The following CBR4 variants were observed in gnomAD, a reference collection of about 807,000 sequenced individuals.
CBR4 encodes the protein 3-oxoacyl-[acyl-carrier-protein] reductase.
In CBR4, 22 loss-of-function variants were observed where a neutral mutation model predicts 21.0. The observed-to-expected ratio is 1.05, with a 90% CI of 0.75 to 1.50. CBR4 has a LOEUF of 1.50. CBR4 is among the 40% of genes most tolerant of loss of function. The pLI is 0.00. For synonymous variants in CBR4, 100 were observed against 104.4 expected (o/e 0.96, Z 0.26); for missense variants, 302 against 286.3 (o/e 1.05, Z -0.40).
intron 2 of CBR4, among the ~76,000 whole-genome samples, chr4:168,959,874 T>TG (rs1553990350): frequency 3.5e-5 from 5 of 143,686 alleles, no homozygotes; most frequent in Non-Finnish European, 7.6e-5. Flanking sequence ...CAATTTCTAT[T>TG]AAAAAAAAAA....
chr4:168,993,613 T>C (rs1413285971), intron 4 of CBR4, among the ~76,000 whole-genome samples: 3 of 152,224 alleles, frequency 2.0e-5, no homozygotes, highest in Non-Finnish European at 4.4e-5. Context: ...CAAAAACATG[T>C]AAAAGTTCAT....
chr4:168,921,398 ACT>A (rs1356787513), intron 2 of CBR4: 1 of 568,554 alleles, frequency 1.8e-6, no homozygotes, highest in Non-Finnish European at 2.9e-6. Context: ...TAAGAGTGAA[ACT>A]CTGTCCAAAA....
At chr4:168,925,125 T>C in intron 2 of CBR4, 1 of 1,609,178 alleles carries the variant, frequency 6.2e-7, no homozygotes, top group Non-Finnish European at 8.5e-7. Flanking sequence ...CATTAAATTA[T>C]GAAAAATTAG....
chr4:168,952,776 G>GGTCT (rs1344945907), intron 2 of CBR4, among the ~76,000 whole-genome samples: 1 of 152,154 alleles, frequency 6.6e-6, no homozygotes, highest in Non-Finnish European at 1.5e-5. Context: ...ACTGTCTATG[G>GGTCT]GTCTCTCAGC....
intron 2 of CBR4, chr4:168,898,865 C>G: frequency 2.9e-6 from 2 of 701,646 alleles, no homozygotes; most frequent in Non-Finnish European, 5.0e-6. Flanking sequence ...AGTTCTGGGC[C>G]ATCTTCAGGA....
intron 2 of CBR4, chr4:168,924,839 C>G: frequency 9.0e-7 from 1 of 1,110,640 alleles, no homozygotes; most frequent in Non-Finnish European, 1.4e-6. Flanking sequence ...CTATTATCAG[C>G]TACTTGCACA....
chr4:168,901,497 G>T (rs547214057), intron 2 of CBR4, among the ~76,000 whole-genome samples: 3 of 152,258 alleles, frequency 2.0e-5, no homozygotes, highest in African/African-American at 7.2e-5. Flanking sequence ...TCAAGAACTG[G>T]CATTGTGGCA....
In CBR4 at chr4:168,966,837, T is replaced by C. The variant is rs554413631; in HGVS notation, n.169+35234A>G. Among the ~76,000 whole-genome samples, 15 of 152,038 alleles carry C rather than the reference T, an allele frequency of 9.9e-5. No homozygotes were observed. The South Asian group carries it at 1.9e-3, about 19-fold the overall frequency. ...ATCAAGACCATCCTGGCTAACACGA[T>C]GAAACCCAGTGCCTACTAAAAATAC... On this transcript the variant is annotated intron_variant and non_coding_transcript_variant, in intron 2 of 3. Coordinates refer to the CBR4 transcript ENST00000509108.
chr4:169,007,023 G>C, intron 2 of CBR4, 132 bp from the exon 3 acceptor site: 1 of 659,146 alleles, frequency 1.5e-6, no homozygotes. Context: ...AGAATACCTA[G>C]AGTCCCATTT....
intron 2 of CBR4, among the ~76,000 whole-genome samples, chr4:168,939,808 A>C (rs1315746397): frequency 6.6e-6 from 1 of 152,228 alleles, no homozygotes; most frequent in East Asian, 1.9e-4. Context: ...CAGATGGAAA[A>C]ACATTCCATG....
At chr4:168,920,172 G>A (rs1761150258) in intron 2 of CBR4, among the ~76,000 whole-genome samples, 1 of 152,220 alleles carries the variant, frequency 6.6e-6, no homozygotes. Context: ...AAACAGGTCA[G>A]GCAGTGTACA....
At chr4:169,008,415 G>T (rs1731103643) in intron 1 of CBR4, among the ~76,000 whole-genome samples, 1 of 152,138 alleles carries the variant, frequency 6.6e-6, no homozygotes. Context: ...GGAAAACAAA[G>T]CATTCCCTAT....
intron 2 of CBR4, among the ~76,000 whole-genome samples, chr4:168,905,323 T>A (rs2151321769): frequency 6.6e-6 from 1 of 151,078 alleles, no homozygotes; most frequent in African/African-American, 2.4e-5. Flanking sequence ...AATTTTTTTT[T>A]ATTTTTAGTA....
chr4:168,934,444 G>A (rs1763055658), intron 2 of CBR4, among the ~76,000 whole-genome samples: 1 of 151,836 alleles, frequency 6.6e-6, no homozygotes, highest in Non-Finnish European at 1.5e-5. Context: ...CTAGCCACTA[G>A]ACTAAGAATA....
chr4:168,983,347 C>T (rs965864294), downstream of CBR4, among the ~76,000 whole-genome samples: 1 of 152,034 alleles, frequency 6.6e-6, no homozygotes, highest in Non-Finnish European at 1.5e-5. Context: ...AACATATTAT[C>T]TCCCAAGATT....
chr4:169,000,949 A>G (rs1273666763), intron 4 of CBR4, among the ~76,000 whole-genome samples: 2 of 152,142 alleles, frequency 1.3e-5, no homozygotes, highest in Non-Finnish European at 2.9e-5. Context: ...TTGTGTAATG[A>G]TATAAAGAAA....
intron 2 of CBR4, among the ~76,000 whole-genome samples, chr4:168,938,922 G>T (rs936682246): frequency 6.6e-6 from 1 of 152,256 alleles, no homozygotes; most frequent in Non-Finnish European, 1.5e-5. Flanking sequence ...TAGTAAAAAA[G>T]GGAATCCTCC....
intron 2 of CBR4, chr4:168,926,196 A>G (rs1259871037): frequency 6.7e-7 from 1 of 1,499,628 alleles, no homozygotes. Context: ...ATCTTAATTT[A>G]CTCTTTTTCT....
chr4:168,999,023 TAC>T (rs959992203), intron 4 of CBR4, among the ~76,000 whole-genome samples: 12 of 152,164 alleles, frequency 7.9e-5, no homozygotes, highest in Non-Finnish European at 1.5e-5. Context: ...ATACAGCCAT[TAC>T]AGTTTCCATT....
Sources: allele counts gnomAD v4.1 joint callset (sites outside exome capture counted in the v4.1 genomes callset), GRCh38; gene constraint gnomAD v4.1.1; transcripts MANE v1.5; gene names NCBI Gene and HGNC (gene_info 2026-07-23, HGNC 2026-07-21).